Variants in CSTPP1 observed in about 807,000 individuals in gnomAD.
CSTPP1 encodes the protein centriolar satellite-associated tubulin polyglutamylase complex regulator 1, also known as UPF0705 protein C11orf49.
At chr11:47,092,240 T>C in the CSTPP1 span, among the ~76,000 whole-genome samples, 3 of 152,226 alleles carry the variant, frequency 2.0e-5, no homozygotes, top group Admixed American at 2.0e-4. Flanking sequence ...TATCCCAGCC[T>C]TTCCAATGGC....
chr11:46,999,996 C>G, the CSTPP1 span, among the ~76,000 whole-genome samples: 4 of 152,154 alleles, frequency 2.6e-5, no homozygotes, highest in African/African-American at 4.8e-5. Flanking sequence ...AGACCATGAG[C>G]TCTGTAGATC....
the CSTPP1 span, among the ~76,000 whole-genome samples, chr11:47,095,488 G>A: frequency 1.3e-5 from 2 of 152,100 alleles, no homozygotes; most frequent in Non-Finnish European, 2.9e-5. Flanking sequence ...GAAGCTTACA[G>A]ATCATTAAAA....
chr11:46,986,048 A>T, the CSTPP1 span, among the ~76,000 whole-genome samples: 350 of 152,328 alleles, frequency 2.3e-3, no homozygotes, highest in African/African-American at 8.0e-3. Flanking sequence ...CCAGACTATA[A>T]ATCTGCGTTT....
the CSTPP1 span, among the ~76,000 whole-genome samples, chr11:47,089,136 A>G: frequency 6.6e-6 from 1 of 152,164 alleles, no homozygotes; most frequent in Non-Finnish European, 1.5e-5. Flanking sequence ...TTGGTAGTTC[A>G]CACGCCTCCC....
chr11:46,940,051 G>C, the CSTPP1 span, among the ~76,000 whole-genome samples: 2 of 151,824 alleles, frequency 1.3e-5, no homozygotes, highest in Admixed American at 1.3e-4. Flanking sequence ...TTTGTATTTT[G>C]GGTAGAGATA....
At chr11:46,945,780 C>A in the CSTPP1 span, among the ~76,000 whole-genome samples, 1 of 152,090 alleles carries the variant, frequency 6.6e-6, no homozygotes, top group Non-Finnish European at 1.5e-5. Flanking sequence ...TCCCTCCCCA[C>A]AGGAAACTTA....
the CSTPP1 span, among the ~76,000 whole-genome samples, chr11:47,143,465 T>C: frequency 6.6e-6 from 1 of 152,232 alleles, no homozygotes; most frequent in Admixed American, 6.5e-5. Context: ...CACATGCAGC[T>C]GGAAGCCGGA....
chr11:46,950,600 CTGT>C, the CSTPP1 span, among the ~76,000 whole-genome samples: 1 of 151,776 alleles, frequency 6.6e-6, no homozygotes, highest in South Asian at 2.1e-4. Context: ...TAAGTAGAAA[CTGT>C]TTTCTTTTTT....
chr11:46,993,923 T>A, the CSTPP1 span, among the ~76,000 whole-genome samples: 1 of 152,222 alleles, frequency 6.6e-6, no homozygotes, highest in Non-Finnish European at 1.5e-5. Flanking sequence ...GGAATGTTCT[T>A]CCTTTTGTTT....
At chr11:46,963,592 T>G in the CSTPP1 span, among the ~76,000 whole-genome samples, 1 of 151,988 alleles carries the variant, frequency 6.6e-6, no homozygotes, top group African/African-American at 2.4e-5. Context: ...GAGACCAGCC[T>G]GGCCAACATG....
At chr11:47,080,015 T>C in the CSTPP1 span, among the ~76,000 whole-genome samples, 58 of 152,134 alleles carry the variant, frequency 3.8e-4, no homozygotes, top group Admixed American at 7.2e-4. Context: ...GAGAATCACG[T>C]GAACCCGGAG....
chr11:47,107,356 C>T, the CSTPP1 span, among the ~76,000 whole-genome samples: 1 of 152,174 alleles, frequency 6.6e-6, no homozygotes, highest in Non-Finnish European at 1.5e-5. Context: ...ATCCCTCTCA[C>T]TCATTGCTCA....
the CSTPP1 span, among the ~76,000 whole-genome samples, chr11:46,984,268 C>T: frequency 7.0e-4 from 106 of 152,348 alleles, no homozygotes; most frequent in African/African-American, 2.4e-3. Context: ...CTTGGCTTCT[C>T]TTCCCACTAG....
chr11:47,161,359 G>A, the CSTPP1 span: 2 of 1,587,108 alleles, frequency 1.3e-6, no homozygotes, highest in South Asian at 2.3e-5. Flanking sequence ...AGTCCTTTGG[G>A]GGCTGCAGCC....
the CSTPP1 span, among the ~76,000 whole-genome samples, chr11:47,158,734 C>A: frequency 1.3e-5 from 2 of 152,080 alleles, no homozygotes; most frequent in African/African-American, 4.8e-5. Flanking sequence ...TGGGTTTCAC[C>A]ATGTTGCCCA....
the CSTPP1 span, among the ~76,000 whole-genome samples, chr11:47,119,651 G>T: frequency 9.6e-6 from 1 of 104,144 alleles, no homozygotes; most frequent in Non-Finnish European, 1.8e-5. Context: ...CACTCTTGTT[G>T]CCCAGGCTGG....
the CSTPP1 span, chr11:46,987,169 T>C: frequency 1.9e-6 from 3 of 1,586,612 alleles, no homozygotes; most frequent in Admixed American, 3.3e-5. Context: ...TTAAAATCTT[T>C]CTCTCATTTT....
At chr11:47,024,264 A>T in the CSTPP1 span, among the ~76,000 whole-genome samples, 1 of 151,454 alleles carries the variant, frequency 6.6e-6, no homozygotes. Flanking sequence ...GGACCTCACC[A>T]TGTTACCCAG....
At chr11:46,996,696 G>C in the CSTPP1 span, among the ~76,000 whole-genome samples, 1 of 152,150 alleles carries the variant, frequency 6.6e-6, no homozygotes, top group Non-Finnish European at 1.5e-5. Context: ...TTTTGCAGTG[G>C]CTGGTACTGG....
Sources: gnomAD v4.1 joint callset for allele counts (sites outside exome capture counted in the v4.1 genomes callset) on GRCh38, gnomAD v4.1.1 for gene constraint, MANE v1.5 for transcripts, NCBI Gene and HGNC (gene_info 2026-07-23, HGNC 2026-07-21) for gene names.